Variants in AP3B1 observed in about 807,000 individuals in gnomAD.
AP3B1 encodes AP-3 complex subunit beta-1.
A neutral mutation model predicts 132.5 loss-of-function variants in AP3B1; 61 were observed. The ratio of observed to expected loss-of-function variants is 0.46; its 90% CI spans 0.37 to 0.57. AP3B1 has a LOEUF of 0.57. Among genes scored for constraint, AP3B1 ranks in the 20% least tolerant of loss-of-function variants. The pLI, the probability that AP3B1 is intolerant of heterozygous loss-of-function variation, is 0.00. For missense variants in AP3B1, 1,120 were observed against 1,289.4 expected, an observed-to-expected ratio of 0.87 and a Z score of 2.01; for synonymous variants, 388 against 438.3, an observed-to-expected ratio of 0.89 and a Z score of 1.43.
chr5:78,120,947 A>G (rs1391061931), intron 17 of AP3B1, among the ~76,000 whole-genome samples: 3 of 152,216 alleles, frequency 2.0e-5, no homozygotes, highest in Non-Finnish European at 2.9e-5. Context: ...TTGGAAGTAA[A>G]GCACTCCTCA....
chr5:78,091,916 G>C (rs1750533007), intron 21 of AP3B1, among the ~76,000 whole-genome samples: 2 of 152,092 alleles, frequency 1.3e-5, no homozygotes, highest in Admixed American at 6.6e-5. Flanking sequence ...CAATGAGAAG[G>C]CTTAAAAAGA....
chr5:78,255,063 C>T (rs1226435354), intron 2 of AP3B1, among the ~76,000 whole-genome samples: 3 of 151,732 alleles, frequency 2.0e-5, no homozygotes, highest in Admixed American at 2.0e-4. Flanking sequence ...TATTTGCAAG[C>T]CTCATGGTAA....
chr5:78,283,960 C>T (rs1234844191), intron 1 of AP3B1, among the ~76,000 whole-genome samples: 1 of 152,222 alleles, frequency 6.6e-6, no homozygotes, highest in East Asian at 1.9e-4. Flanking sequence ...TACCTCCTAA[C>T]CATCTTTCAC....
chr5:78,227,323 T>C lies in AP3B1; in HGVS notation c.536+49A>G, dbSNP rs763143247. The C allele has an allele frequency of 8.5e-5, 134 of 1,577,158 alleles. 1 individual carries two copies. The East Asian group carries it at 2.9e-3, about 34-fold the overall frequency. On this transcript the variant is annotated intron_variant, in intron 5 of 26. Transcript: ENST00000255194. ...AAACAAGCCTCTGTGGTCTATAACA[T>C]TCCATGTAACATCAGAGATCTTTGG...
At chr5:78,061,590 G>A (rs1467030863) in intron 22 of AP3B1, among the ~76,000 whole-genome samples, 5 of 152,152 alleles carry the variant, frequency 3.3e-5, no homozygotes, top group Non-Finnish European at 7.3e-5. Flanking sequence ...ACATTTTCTG[G>A]TATAAAACAT....
chr5:78,197,831 GCAGTAA>G (rs1745135555), intron 7 of AP3B1, among the ~76,000 whole-genome samples: 1 of 152,166 alleles, frequency 6.6e-6, no homozygotes, highest in East Asian at 1.9e-4. Context: ...TATCATGTGA[GCAGTAA>G]CAATGGACTT....
chr5:78,101,056 A>G, intron 20 of AP3B1, 31 bp from the exon 21 acceptor site: 1 of 1,332,076 alleles, frequency 7.5e-7, no homozygotes. Context: ...CATTTATCAC[A>G]CGTTCTGTTT....
In AP3B1 at chr5:78,100,983, T is replaced by G. The variant is rs778787839; in HGVS notation, c.2440A>C (p.Lys814Gln). 4 of 1,555,872 alleles carry G rather than the reference T, an allele frequency of 2.6e-6. No individual in the cohort carries two copies. The highest frequency in any genetic ancestry group is 3.5e-6 in the Non-Finnish European group (4 of 1,130,614). Reference protein sequence around the residue: ...KTKQDRTPLTKDVSLLDLDDF... With the variant: ...KTKQDRTPLTQDVSLLDLDDF... ...TCCAGATCTAGAAGTGAAACATCTT[T>G]GGTAAGAGGAGTTCTATCTTGCTTT... Residue 814 changes from lysine to glutamine, a missense_variant, in exon 21 of 27, where the codon AAA becomes CAA. Lys to Gln is a moderately conservative substitution (Grantham distance 53). Transcript: ENST00000255194.
intron 22 of AP3B1, among the ~76,000 whole-genome samples, chr5:78,047,913 A>T (rs557545450): frequency 1.3e-5 from 2 of 152,338 alleles, no homozygotes; most frequent in East Asian, 3.9e-4. Context: ...TTGATGCTTG[A>T]TTTAAAAAAA....
At chr5:78,141,838 C>T (rs949489710) in intron 14 of AP3B1, among the ~76,000 whole-genome samples, 1 of 152,144 alleles carries the variant, frequency 6.6e-6, no homozygotes, top group East Asian at 1.9e-4. Context: ...CTGGGATCAG[C>T]TCCAAAATAG....
At chr5:78,194,913 A>G (rs538938966) in intron 7 of AP3B1, among the ~76,000 whole-genome samples, 6 of 152,310 alleles carry the variant, frequency 3.9e-5, no homozygotes, top group Admixed American at 2.0e-4. Flanking sequence ...TATGTGATAA[A>G]ACTATTTCAT....
At chr5:78,218,133 A>C (rs948964185) in intron 6 of AP3B1, among the ~76,000 whole-genome samples, 6 of 152,266 alleles carry the variant, frequency 3.9e-5, no homozygotes, top group African/African-American at 1.4e-4. Context: ...AAAACTGATC[A>C]TTTTAGATAC....
At chr5:78,108,111 T>C (rs192907722) in intron 20 of AP3B1, among the ~76,000 whole-genome samples, 22 of 152,300 alleles carry the variant, frequency 1.4e-4, no homozygotes, top group Non-Finnish European at 2.9e-4. Context: ...CTAGGTCGCA[T>C]TTTCATGCTC....
intron 3 of AP3B1, among the ~76,000 whole-genome samples, chr5:78,235,032 G>A (rs1189336110): frequency 6.6e-6 from 1 of 151,926 alleles, no homozygotes; most frequent in Non-Finnish European, 1.5e-5. Flanking sequence ...AGGTGTGGGT[G>A]TATGTTTAAA....
intron 22 of AP3B1, among the ~76,000 whole-genome samples, chr5:78,070,226 G>A (rs763171155): frequency 6.6e-6 from 1 of 151,854 alleles, no homozygotes; most frequent in Non-Finnish European, 1.5e-5. Flanking sequence ...GGCCAACATG[G>A]TGAAACCCCG....
intron 1 of AP3B1, among the ~76,000 whole-genome samples, chr5:78,280,753 T>G (rs1332200256): frequency 6.6e-6 from 1 of 152,176 alleles, no homozygotes; most frequent in Non-Finnish European, 1.5e-5. Context: ...TGGATCAGCA[T>G]TCTGTAAAGG....
At chr5:78,136,751 T>C (rs1023126283) in intron 15 of AP3B1, among the ~76,000 whole-genome samples, 7 of 152,142 alleles carry the variant, frequency 4.6e-5, no homozygotes, top group Admixed American at 4.6e-4. Context: ...TTAAAAAATA[T>C]GTCACCAATA....
intron 7 of AP3B1, among the ~76,000 whole-genome samples, chr5:78,190,316 G>A (rs1351876792): frequency 6.6e-6 from 1 of 152,078 alleles, no homozygotes. Context: ...GGCTCTCCCA[G>A]TTACTAGCTA....
At position 78,049,584 on chromosome 5, in the gene AP3B1, C is replaced by T. The variant is rs1259752433; in HGVS notation, c.2578-10310G>A. Reference sequence around the variant, plus strand: ...AGAACACAAAAGTCATAGCTGACACCTGAGGGAGTCATCATGGATGAAAAC... The same window carrying T: ...AGAACACAAAAGTCATAGCTGACACTTGAGGGAGTCATCATGGATGAAAAC... On this transcript the variant is annotated intron_variant, in intron 22 of 26. Transcript: ENST00000255194. 2.0e-5 allele frequency among the ~76,000 whole-genome samples: 3 copies of T among 152,230 alleles called. No individual in the cohort carries two copies. The East Asian group carries it at 5.8e-4, about 29-fold the overall frequency.
Sources: allele counts gnomAD v4.1 joint callset (sites outside exome capture counted in the v4.1 genomes callset), GRCh38; gene constraint gnomAD v4.1.1; transcripts MANE v1.5; gene names NCBI Gene and HGNC (gene_info 2026-07-23, HGNC 2026-07-21).